NFIA: variants seen among roughly 807,000 people sequenced by gnomAD.
NFIA encodes nuclear factor I A, also known as nuclear factor 1 A-type.
Under a neutral mutation model 62.8 loss-of-function variants are expected in NFIA, and 8 were observed. The ratio of observed to expected loss-of-function variants is 0.13; its 90% CI spans 0.07 to 0.23. The LOEUF (loss-of-function observed/expected upper bound fraction) is 0.23. Among genes scored for constraint, NFIA ranks in the 10% least tolerant of loss-of-function variants. NFIA has a pLI of 1.00. For missense variants in NFIA, 410 were observed against 642.1 expected (o/e 0.64, Z 3.91); for synonymous variants, 235 against 238.1 (o/e 0.99, Z 0.12).
intron 7 of NFIA, among the ~76,000 whole-genome samples, chr1:61,389,351 A>T (rs1206728698): frequency 6.6e-6 from 1 of 152,236 alleles, no homozygotes; most frequent in Admixed American, 6.5e-5. Flanking sequence ...TCTGCAGCAC[A>T]ATCAGACTGT....
intron 2 of NFIA, among the ~76,000 whole-genome samples, chr1:61,203,735 A>G (rs1652696005): frequency 1.3e-5 from 2 of 151,954 alleles, no homozygotes; most frequent in Admixed American, 1.3e-4. Context: ...AAACACTGGG[A>G]TGGTGTTTTC....
chr1:61,289,053 AGCCACTGC>A (rs780439942), intron 3 of NFIA, among the ~76,000 whole-genome samples: 5 of 152,224 alleles, frequency 3.3e-5, no homozygotes, highest in Non-Finnish European at 7.3e-5. Context: ...CACAGGTGTG[AGCCACTGC>A]GCCTGGAGTA....
intron 2 of NFIA, among the ~76,000 whole-genome samples, chr1:61,114,017 G>T (rs1220137434): frequency 6.6e-6 from 1 of 152,152 alleles, no homozygotes; most frequent in Admixed American, 6.5e-5. Flanking sequence ...AACAAGAGTA[G>T]AGTGACAGAC....
At chr1:61,203,667 G>A (rs1652688372) in intron 2 of NFIA, among the ~76,000 whole-genome samples, 1 of 152,068 alleles carries the variant, frequency 6.6e-6, no homozygotes, top group African/African-American at 2.4e-5. Flanking sequence ...GTTAAATCTG[G>A]TTTACGTTGT....
At chr1:61,204,062 G>A (rs548823703) in intron 2 of NFIA, among the ~76,000 whole-genome samples, 22 of 152,288 alleles carry the variant, frequency 1.4e-4, no homozygotes, top group East Asian at 7.7e-4. Flanking sequence ...TGTAAATTCC[G>A]TGGGATGTAT....
chr1:61,434,338 T>A (rs1014315127), intron 10 of NFIA, among the ~76,000 whole-genome samples: 1 of 152,138 alleles, frequency 6.6e-6, no homozygotes. Context: ...TGCAATCTGC[T>A]TCCCCTCCCT....
chr1:61,176,599 A>G (rs1482543927), intron 2 of NFIA, among the ~76,000 whole-genome samples: 2 of 152,104 alleles, frequency 1.3e-5, no homozygotes, highest in African/African-American at 4.8e-5. Context: ...CTTATTATAA[A>G]TGAGTAATAT....
At chr1:61,199,099 A>G (rs1416572613) in intron 2 of NFIA, among the ~76,000 whole-genome samples, 5 of 152,088 alleles carry the variant, frequency 3.3e-5, no homozygotes, top group Non-Finnish European at 7.3e-5. Context: ...GGTACCCTTC[A>G]GTAGAATTCT....
intron 6 of NFIA, among the ~76,000 whole-genome samples, chr1:61,376,361 A>G (rs1664148698): frequency 6.6e-6 from 1 of 152,188 alleles, no homozygotes; most frequent in African/African-American, 2.4e-5. Context: ...TTTATAGAAA[A>G]AGCAACTTGT....
intron 2 of NFIA, among the ~76,000 whole-genome samples, chr1:61,183,212 A>C (rs1650873805): frequency 6.6e-6 from 1 of 152,156 alleles, no homozygotes; most frequent in Non-Finnish European, 1.5e-5. Flanking sequence ...GGAATTTCAG[A>C]GATGCTTAAA....
intron 2 of NFIA, among the ~76,000 whole-genome samples, chr1:61,161,810 C>T (rs974523171): frequency 6.6e-6 from 1 of 152,150 alleles, no homozygotes; most frequent in Non-Finnish European, 1.5e-5. Context: ...TTTGGGTGTT[C>T]ACTATATTGG....
Position 61,082,670 on chromosome 1 carries a change from C to G in NFIA, c.-122C>G, listed in dbSNP as rs955301447. On this transcript the variant is annotated 5_prime_UTR_variant, in exon 1 of 11. Coordinates refer to ENST00000403491, the MANE Select transcript of NFIA (RefSeq NM_001134673.4). ...GCAGGCTTGATTTTTTTTTCTCCCC[C>G]CTTCTCTCTCTCTCTCTCTCTCTCT... 3.9e-6 allele frequency: 6 copies of G among 1,519,050 alleles called. No individual in the cohort carries two copies. The African/African-American group carries it at 8.5e-5, about 22-fold the overall frequency. 94.1% of individuals were successfully genotyped at this position (1,519,050 alleles called of 1,614,324 possible).
At chr1:61,425,740 C>T (rs908135163) in intron 9 of NFIA, among the ~76,000 whole-genome samples, 70 of 152,228 alleles carry the variant, frequency 4.6e-4, no homozygotes, top group African/African-American at 1.6e-3. Context: ...TTCCATGAAC[C>T]AAGAAAGGAT....
rs17122048 is a variant in NFIA at position 61,380,271 on chromosome 1, T to C, written c.947-2966T>C. On this transcript the variant is annotated intron_variant, in intron 6 of 10. Coordinates refer to ENST00000403491, the MANE Select transcript of NFIA (RefSeq NM_001134673.4). ...GTCTTTATTTTTCTGCATTGAACTT[T>C]GAAGTAACATTTCATTTCCTCCAGA... is the stretch of plus-strand genomic sequence containing the variant. Among the ~76,000 whole-genome samples, 1,302 of 152,332 alleles carry C rather than the reference T, an allele frequency of 8.5e-3. 22 individuals are homozygous for C. The highest frequency in any genetic ancestry group is 0.04 in the East Asian group (205 of 5,182).
rs1668334531 is a variant in NFIA, at chr1:61,456,899, C to G, written c.*1579C>G. ...TTTTCTACCAGACAGCGAAGCACCC[C>G]TTTGCTTCCCATGCGACTTCAAGAA... On this transcript the variant is annotated 3_prime_UTR_variant, in exon 11 of 11. Transcript: ENST00000403491. 1 of 151,830 alleles carries G rather than the reference C, an allele frequency of 6.6e-6. No individual in the cohort carries two copies. The highest frequency in any genetic ancestry group is 1.5e-5 in the Non-Finnish European group (1 of 67,934). The allele number at this position is 151,830 out of a possible 1,614,324, so 9.4% of individuals were successfully genotyped here.
At chr1:61,323,260 A>C (rs1460484459) in intron 3 of NFIA, among the ~76,000 whole-genome samples, 2 of 152,218 alleles carry the variant, frequency 1.3e-5, no homozygotes, top group Non-Finnish European at 2.9e-5. Flanking sequence ...TCATCTGAGA[A>C]TCTCAAAACA....
chr1:61,209,350 C>G (rs1371410041), intron 2 of NFIA, among the ~76,000 whole-genome samples: 1 of 152,058 alleles, frequency 6.6e-6, no homozygotes, highest in Admixed American at 6.6e-5. Context: ...ACAGGTTTCC[C>G]TTCCCCTAAA....
At chr1:61,352,663 AG>A (rs2100430617) in intron 5 of NFIA, 96 bp downstream of exon 5, 1 of 965,454 alleles carries the variant, frequency 1.0e-6, no homozygotes, top group South Asian at 1.4e-5. Context: ...ATGCGCCTTT[AG>A]TAATAGAAGA....
At chr1:61,287,454 G>A (rs1475585856) in intron 3 of NFIA, among the ~76,000 whole-genome samples, 2 of 152,268 alleles carry the variant, frequency 1.3e-5, no homozygotes, top group South Asian at 2.1e-4. Flanking sequence ...GACCCCATTA[G>A]ATTATAACCC....
Sources: allele counts gnomAD v4.1 joint callset (sites outside exome capture counted in the v4.1 genomes callset), GRCh38; gene constraint gnomAD v4.1.1; transcripts MANE v1.5; gene names NCBI Gene and HGNC (gene_info 2026-07-23, HGNC 2026-07-21).